Variants in HEG1 observed in about 807,000 individuals in gnomAD.
HEG1 encodes heart development protein with EGF like domains 1.
HEG1 carries 56 observed loss-of-function variants against 125.6 expected under a neutral mutation model. That is an observed-to-expected ratio of 0.45 (90% CI 0.36 to 0.56). The LOEUF (loss-of-function observed/expected upper bound fraction) is 0.56. Ranked by LOEUF, HEG1 falls within the 20% of genes least tolerant of loss-of-function variation. The probability of loss-of-function intolerance (pLI) is 0.00; values close to 1 mark genes in which losing one functional copy is unlikely to be tolerated. For synonymous variants in HEG1, 644 were observed against 668.5 expected, an observed-to-expected ratio of 0.96 and a Z score of 0.57; for missense variants, 1,523 against 1,670.0, an observed-to-expected ratio of 0.91 and a Z score of 1.53.
intron 6 of HEG1, among the ~76,000 whole-genome samples, chr3:125,010,771 A>G (rs934502704): frequency 3.9e-5 from 6 of 152,232 alleles, no homozygotes; most frequent in African/African-American, 1.4e-4. Context: ...GTGTCAGACA[A>G]TGGGATCCCT....
chr3:125,025,897 A>G (rs1937407896), intron 3 of HEG1, among the ~76,000 whole-genome samples: 3 of 152,362 alleles, frequency 2.0e-5, no homozygotes, highest in Admixed American at 1.3e-4. Flanking sequence ...AACTGTATAC[A>G]GGGTATGTGG....
chr3:125,036,008 G>C (rs943763699), intron 1 of HEG1, among the ~76,000 whole-genome samples: 50 of 151,832 alleles, frequency 3.3e-4, no homozygotes, highest in African/African-American at 1.2e-3. Flanking sequence ...AGGATTACTT[G>C]AGGCCAGCCT....
At chr3:124,992,192 G>A (rs1190671794) in intron 12 of HEG1, among the ~76,000 whole-genome samples, 9 of 152,148 alleles carry the variant, frequency 5.9e-5, no homozygotes, top group African/African-American at 1.9e-4. Flanking sequence ...ATATCTAGAT[G>A]TGTGCTAATC....
chr3:125,015,816 A>G (rs1462609590), intron 5 of HEG1, among the ~76,000 whole-genome samples: 3 of 152,218 alleles, frequency 2.0e-5, no homozygotes, highest in Non-Finnish European at 4.4e-5. Context: ...AAAACAAAAA[A>G]CAGGCTCTTT....
intron 14 of HEG1, among the ~76,000 whole-genome samples, chr3:124,983,164 C>A (rs6763492): frequency 0.33 from 50,501 of 152,040 alleles, 8,903 homozygotes; most frequent in East Asian, 0.48. Context: ...CTTAGGCTAG[C>A]TGGGCTCACT....
chr3:124,980,152 C>T (rs1049522511), intron 14 of HEG1, among the ~76,000 whole-genome samples: 1 of 152,232 alleles, frequency 6.6e-6, no homozygotes, highest in African/African-American at 2.4e-5. Flanking sequence ...CCCAACATGG[C>T]TCTGAGCTAC....
chr3:125,004,929 G>A (rs997278715), intron 9 of HEG1, among the ~76,000 whole-genome samples: 5 of 152,128 alleles, frequency 3.3e-5, no homozygotes, highest in East Asian at 1.9e-4. Flanking sequence ...AGATGGGACC[G>A]TAAGATTTTT....
chr3:124,975,656 C>G (rs1936522382), intron 15 of HEG1, among the ~76,000 whole-genome samples: 1 of 152,182 alleles, frequency 6.6e-6, no homozygotes, highest in South Asian at 2.1e-4. Flanking sequence ...CCCCATACCC[C>G]TTAGCCACCA....
In HEG1 at chr3:124,966,266, C is replaced by T. The variant is rs138496855; in HGVS notation, c.*4386G>A. The T allele has an allele frequency of 6.6e-6, 1 of 152,290 alleles. No homozygotes were observed. Among genetic ancestry groups the T allele is most frequent in the Non-Finnish European group, 1.5e-5 (1 of 68,020 alleles). 9.4% of individuals were successfully genotyped at this position (152,290 alleles called of 1,614,324 possible). Reference sequence around the variant, plus strand: ...CCCAGGTGACAGACCCAGTCTCGGACCTGTCGCTTTTTAGACCTGAATGGT... The same window carrying T: ...CCCAGGTGACAGACCCAGTCTCGGATCTGTCGCTTTTTAGACCTGAATGGT... On this transcript the variant is annotated 3_prime_UTR_variant, in exon 17 of 17. Transcript: ENST00000311127.
chr3:125,046,685 T>C (rs892178377), intron 1 of HEG1, among the ~76,000 whole-genome samples: 1 of 152,180 alleles, frequency 6.6e-6, no homozygotes, highest in Non-Finnish European at 1.5e-5. Context: ...ACACAAAACT[T>C]CAAAGACGAT....
In HEG1 at chr3:125,055,832, A is replaced by G. The variant is rs958083454; in HGVS notation, c.59T>C (p.Leu20Pro). ...PPPLLLLLLP[L>P]LLLPPAAPGT... Reference sequence around the variant, plus strand: ...GGGGGCCGCCGGCGGCAGCAGCAGCAGCGGCAGCAACAGCAGCAGGAGCGG... The same window carrying G: ...GGGGGCCGCCGGCGGCAGCAGCAGCGGCGGCAGCAACAGCAGCAGGAGCGG... The change falls in exon 1 of 17, where the codon CTG becomes CCG. Residue 20 changes from leucine (L) to proline (P), a missense_variant. Physicochemically the swap from Leu to Pro is moderately conservative, Grantham distance 98. Transcript: ENST00000311127. The G allele has an allele frequency of 4.1e-6, 4 of 982,716 alleles. No homozygotes were observed. Among genetic ancestry groups the G allele is most frequent in the East Asian group, 1.1e-4 (1 of 8,966 alleles). 60.9% of individuals were successfully genotyped at this position (982,716 alleles called of 1,614,324 possible).
chr3:125,015,050 G>A (rs1444540313), intron 5 of HEG1: 1 of 1,200,030 alleles, frequency 8.3e-7, no homozygotes, highest in Non-Finnish European at 1.1e-6. Flanking sequence ...GAAAAATGCA[G>A]GGCTGGAGCG....
chr3:125,029,052 T>A, intron 2 of HEG1, 143 bp downstream of exon 2: 1 of 769,210 alleles, frequency 1.3e-6, no homozygotes, highest in Non-Finnish European at 2.1e-6. Context: ...ATATGAGGCC[T>A]AAGTCACAGG....
At chr3:125,038,733 G>A (rs1937568331) in intron 1 of HEG1, among the ~76,000 whole-genome samples, 1 of 151,984 alleles carries the variant, frequency 6.6e-6, no homozygotes, top group South Asian at 2.1e-4. Context: ...GAGTAATTTG[G>A]AATAAACCTG....
chr3:125,043,900 G>A (rs565128245), intron 1 of HEG1, among the ~76,000 whole-genome samples: 6 of 152,166 alleles, frequency 3.9e-5, no homozygotes, highest in Non-Finnish European at 7.4e-5. Context: ...CAGGAGGGGC[G>A]GGAGGAAACG....
At chr3:125,020,008 A>G (rs1028615030) in intron 4 of HEG1, among the ~76,000 whole-genome samples, 1 of 152,266 alleles carries the variant, frequency 6.6e-6, no homozygotes, top group African/African-American at 2.4e-5. Context: ...TCTAAATACC[A>G]AAGTATAGCA....
chr3:124,999,692 T>C (rs1936973140), intron 11 of HEG1, among the ~76,000 whole-genome samples: 1 of 152,256 alleles, frequency 6.6e-6, no homozygotes, highest in Non-Finnish European at 1.5e-5. Context: ...AAGAATATTC[T>C]ACCATAAATT....
At chr3:124,971,109 C>G in intron 16 of HEG1, 1 of 513,990 alleles carries the variant, frequency 1.9e-6, no homozygotes, top group Non-Finnish European at 3.8e-6. Flanking sequence ...AGGCCAACAG[C>G]AATCCTCAAG....
intron 12 of HEG1, 60 bp from the exon 13 acceptor site, chr3:124,991,046 A>T (rs1410095308): frequency 1.5e-6 from 2 of 1,328,196 alleles, no homozygotes; most frequent in Non-Finnish European, 2.1e-6. Context: ...ACTCCCAGTT[A>T]ATTAAACGCC....
Sources: gnomAD v4.1 joint callset for allele counts (sites outside exome capture counted in the v4.1 genomes callset) on GRCh38, gnomAD v4.1.1 for gene constraint, MANE v1.5 for transcripts, NCBI Gene and HGNC (gene_info 2026-07-23, HGNC 2026-07-21) for gene names.